AOPEP: variants seen among roughly 807,000 people sequenced by gnomAD.
AOPEP encodes the protein aminopeptidase O.
Under a neutral mutation model 98.1 loss-of-function variants are expected in AOPEP, and 77 were observed. That is an observed-to-expected ratio of 0.78 (90% CI 0.65 to 0.95). The LOEUF (loss-of-function observed/expected upper bound fraction) is 0.95, where lower values mean the gene tolerates loss of function less well. Ranked by LOEUF, AOPEP falls within the 40% of genes least tolerant of loss-of-function variation. The pLI, the probability that AOPEP is intolerant of heterozygous loss-of-function variation, is 0.00. For synonymous variants in AOPEP, 346 were observed against 365.3 expected, an observed-to-expected ratio of 0.95 and a Z score of 0.60; for missense variants, 1,024 against 1,024.7, an observed-to-expected ratio of 1.00 and a Z score of 0.01.
chr9:94,742,734 C>A (rs1372974499), intron 1 of AOPEP, among the ~76,000 whole-genome samples: 1 of 152,102 alleles, frequency 6.6e-6, no homozygotes, highest in Non-Finnish European at 1.5e-5. Context: ...CACCTGGCCA[C>A]TTTTCTTTAT....
chr9:95,078,260 G>A (rs1242310146), intron 14 of AOPEP, among the ~76,000 whole-genome samples: 6 of 152,272 alleles, frequency 3.9e-5, no homozygotes, highest in Non-Finnish European at 7.3e-5. Flanking sequence ...CGCTGCCTCC[G>A]GCCGCCACCG....
chr9:94,908,889 T>G (rs1481300254), intron 5 of AOPEP, among the ~76,000 whole-genome samples: 1 of 152,186 alleles, frequency 6.6e-6, no homozygotes, highest in Non-Finnish European at 1.5e-5. Flanking sequence ...AACAGACATG[T>G]TCATCTTATT....
intron 5 of AOPEP, among the ~76,000 whole-genome samples, chr9:94,839,063 A>G (rs528090188): frequency 2.7e-5 from 4 of 146,162 alleles, no homozygotes; most frequent in African/African-American, 1.0e-4. Context: ...GGCGTGCGCC[A>G]CCACACCCAC....
the AOPEP span, among the ~76,000 whole-genome samples, chr9:95,132,571 G>A: frequency 6.6e-6 from 1 of 152,168 alleles, no homozygotes; most frequent in African/African-American, 2.4e-5. Flanking sequence ...CTTGATGTAG[G>A]AGCTACCAAC....
At chr9:94,752,615 T>C (rs1836081528) in intron 1 of AOPEP, among the ~76,000 whole-genome samples, 1 of 152,208 alleles carries the variant, frequency 6.6e-6, no homozygotes, top group Admixed American at 6.5e-5. Flanking sequence ...TAAAAGAGTT[T>C]GTTACCCATG....
intron 13 of AOPEP, among the ~76,000 whole-genome samples, chr9:95,036,751 A>G (rs2064872004): frequency 7.1e-6 from 1 of 141,726 alleles, no homozygotes; most frequent in African/African-American, 2.6e-5. Context: ...GAGGTGGCCA[A>G]GCATAGCTCA....
intron 13 of AOPEP, among the ~76,000 whole-genome samples, chr9:95,036,604 T>C (rs2064843415): frequency 6.6e-6 from 1 of 152,182 alleles, no homozygotes; most frequent in African/African-American, 2.4e-5. Flanking sequence ...TTTCGGTAAA[T>C]GTCAGAATGT....
At chr9:95,141,869 A>G in the AOPEP span, among the ~76,000 whole-genome samples, 1 of 152,134 alleles carries the variant, frequency 6.6e-6, no homozygotes, top group Non-Finnish European at 1.5e-5. Flanking sequence ...GTTTTAGTTC[A>G]GTGATTGTTA....
At chr9:95,105,214 T>G in the AOPEP span, among the ~76,000 whole-genome samples, 1 of 152,198 alleles carries the variant, frequency 6.6e-6, no homozygotes, top group African/African-American at 2.4e-5. Flanking sequence ...CCTACCAGGA[T>G]GGAGACAATC....
At chr9:94,786,030 G>T (rs1416548685) in intron 3 of AOPEP, among the ~76,000 whole-genome samples, 1 of 152,160 alleles carries the variant, frequency 6.6e-6, no homozygotes, top group Non-Finnish European at 1.5e-5. Context: ...TACACATGTG[G>T]CAGCCATACC....
At chr9:95,145,185 A>C in the AOPEP span, 1 of 152,246 alleles carries the variant, frequency 6.6e-6, no homozygotes, top group African/African-American at 2.4e-5. Context: ...AACTGTAAGA[A>C]CAACGGTGGT....
chr9:94,942,828 C>A lies in AOPEP; in HGVS notation c.1662-12349C>A, dbSNP rs143086733. On this transcript the variant is annotated intron_variant, in intron 7 of 16. Transcript: ENST00000375315. ...AAAAATTCATTTACATCGCTTGAAC[C>A]CGGGAGGCAGAGGTTGCAGTGAGTT... Among the ~76,000 whole-genome samples, 783 of 150,520 alleles carry A rather than the reference C, an allele frequency of 5.2e-3. 8 individuals are homozygous for A. Among genetic ancestry groups the A allele is most frequent in the African/African-American group, 0.018 (750 of 40,692 alleles).
chr9:94,870,473 G>C (rs567444774), intron 5 of AOPEP, among the ~76,000 whole-genome samples: 1 of 152,230 alleles, frequency 6.6e-6, no homozygotes, highest in Admixed American at 6.5e-5. Context: ...CAAATGATAG[G>C]TATTTGTTTT....
At chr9:95,124,703 C>A in the AOPEP span, among the ~76,000 whole-genome samples, 1 of 152,208 alleles carries the variant, frequency 6.6e-6, no homozygotes, top group South Asian at 2.1e-4. Flanking sequence ...CTTTCCTATT[C>A]ATCACATGCC....
chr9:95,024,419 T>C (rs1470919992), intron 13 of AOPEP, among the ~76,000 whole-genome samples: 1 of 152,214 alleles, frequency 6.6e-6, no homozygotes, highest in Non-Finnish European at 1.5e-5. Flanking sequence ...AGCATTCTCA[T>C]TGTTTTCTCC....
chr9:94,788,366 C>T (rs987639332), intron 3 of AOPEP, among the ~76,000 whole-genome samples: 2 of 152,066 alleles, frequency 1.3e-5, no homozygotes, highest in Non-Finnish European at 2.9e-5. Context: ...CCACATCCGG[C>T]CTTCATTTAT....
intron 11 of AOPEP, among the ~76,000 whole-genome samples, chr9:95,002,916 A>C (rs536641426): frequency 6.6e-6 from 1 of 152,330 alleles, no homozygotes; most frequent in South Asian, 2.1e-4. Flanking sequence ...GACAAGAGGC[A>C]ATTAGGATGG....
intron 5 of AOPEP, among the ~76,000 whole-genome samples, chr9:94,865,745 A>G (rs1440931259): frequency 6.6e-6 from 1 of 152,216 alleles, no homozygotes; most frequent in South Asian, 2.1e-4. Context: ...TTTAGAGACT[A>G]TATGCATAGG....
At chr9:94,737,471 G>T (rs1182941098) in intron 1 of AOPEP, among the ~76,000 whole-genome samples, 1 of 152,122 alleles carries the variant, frequency 6.6e-6, no homozygotes, top group African/African-American at 2.4e-5. Flanking sequence ...CTAGTCCAGT[G>T]TCTGATGGTA....
Sources: allele counts gnomAD v4.1 joint callset (sites outside exome capture counted in the v4.1 genomes callset), GRCh38; gene constraint gnomAD v4.1.1; transcripts MANE v1.5; gene names NCBI Gene and HGNC (gene_info 2026-07-23, HGNC 2026-07-21).